Variants in MYO5C observed in about 807,000 individuals in gnomAD.
The protein encoded by MYO5C is unconventional myosin-Vc.
In MYO5C, 194 loss-of-function variants were observed where a neutral mutation model predicts 235.7. The observed-to-expected ratio is 0.82, with a 90% CI of 0.73 to 0.93. MYO5C has a LOEUF of 0.93. Ranked by LOEUF, MYO5C falls within the 40% of genes least tolerant of loss-of-function variation. MYO5C has a pLI of 0.00. For synonymous variants in MYO5C, 707 were observed against 754.8 expected (o/e 0.94, Z 1.04); for missense variants, 2,038 against 2,127.2 (o/e 0.96, Z 0.82).
At chr15:52,233,745 A>T (rs2036020017) in intron 23 of MYO5C, among the ~76,000 whole-genome samples, 1 of 152,036 alleles carries the variant, frequency 6.6e-6, no homozygotes, top group Non-Finnish European at 1.5e-5. Context: ...TTCCCAACAC[A>T]CCCATATGCC....
intron 30 of MYO5C, among the ~76,000 whole-genome samples, chr15:52,220,528 A>C (rs1417133453): frequency 6.6e-6 from 1 of 152,086 alleles, no homozygotes; most frequent in Non-Finnish European, 1.5e-5. Flanking sequence ...TATTTTAAAA[A>C]AATTTTTGGG....
At chr15:52,265,828 G>A (rs2036798107) in intron 8 of MYO5C, among the ~76,000 whole-genome samples, 1 of 152,096 alleles carries the variant, frequency 6.6e-6, no homozygotes. Flanking sequence ...ACTGCACCTG[G>A]CCCAGAGTCT....
chr15:52,229,240 T>C lies in MYO5C; in HGVS notation c.3100A>G (p.Lys1034Glu). 6.2e-7 allele frequency: 1 copy of C among 1,614,242 alleles called. No homozygotes were observed. Reference protein sequence around the residue: ...KQIQSLKEEIKALKDEKMQLQ... With the variant: ...KQIQSLKEEIEALKDEKMQLQ... The stretch of plus-strand genomic sequence containing the variant: ...TGCATCTTCTCATCCTTGAGAGCTT[T>C]AATTTCTTCTTTCAAAGACTGAATC... The change falls in exon 25 of 41, where the codon AAA becomes GAA. Residue 1034 changes from lysine to glutamate, a missense_variant. Physicochemically the swap from Lys to Glu is moderately conservative, Grantham distance 56. Transcript: ENST00000261839.
rs1470993510 is a variant in MYO5C at position 52,225,519 on chromosome 15, A to G, written c.3221T>C (p.Phe1074Ser). The change falls in exon 26 of 41, where the codon TTC becomes TCC. Residue 1074 changes from phenylalanine (F) to serine (S), a missense_variant. Transcript: ENST00000261839. ...LSKQVKTISEFEKEIELLQAQ... is the reference protein window; with the variant it reads ...LSKQVKTISESEKEIELLQAQ... ...CTGAAGTAGTTCTATCTCTTTTTCG[A>G]ACTCAGAGATTGTCTGAATCACAGC... is the stretch of plus-strand genomic sequence containing the variant. The G allele has an allele frequency of 6.2e-7, 1 of 1,612,116 alleles. No homozygotes were observed. Among genetic ancestry groups the G allele is most frequent in the Admixed American group, 1.7e-5 (1 of 60,014 alleles).
chr15:52,245,914 T>G, intron 17 of MYO5C, 42 bp downstream of exon 17: 1 of 1,547,362 alleles, frequency 6.5e-7, no homozygotes, highest in Non-Finnish European at 8.9e-7. Context: ...ATAGCTCTGA[T>G]GTCAGGTACT....
intron 18 of MYO5C, among the ~76,000 whole-genome samples, chr15:52,245,005 A>G (rs1371973571): frequency 6.6e-6 from 1 of 152,228 alleles, no homozygotes; most frequent in East Asian, 1.9e-4. Context: ...AATGATGTCA[A>G]TCCACACAAG....
chr15:52,194,148 G>A, intron 40 of MYO5C, 94 bp from the exon 41 acceptor site: 1 of 1,183,894 alleles, frequency 8.4e-7, no homozygotes, highest in African/African-American at 1.5e-5. Context: ...GCTATCTCTA[G>A]TGGAGAGCTC....
rs750058839 is a variant in MYO5C, at chr15:52,205,186, G to A, written c.4538-39C>T. 3.0e-5 allele frequency: 48 copies of A among 1,601,060 alleles called. No individual in the cohort carries two copies. In the South Asian group the frequency reaches 5.0e-4, roughly 17 times the overall value. ...GGGAGGCTGTGCTGACACGCCAGGA[G>A]ACACACGCGGAACGTTCCCGACGCT... On this transcript the variant is annotated intron_variant, in intron 37 of 40. Transcript: ENST00000261839.
chr15:52,259,000 C>T (rs1294095816), intron 10 of MYO5C, among the ~76,000 whole-genome samples: 1 of 152,172 alleles, frequency 6.6e-6, no homozygotes, highest in African/African-American at 2.4e-5. Context: ...AGGACTCATC[C>T]TAACCTCTAC....
intron 32 of MYO5C, among the ~76,000 whole-genome samples, chr15:52,215,769 G>A (rs2035539076): frequency 6.6e-6 from 1 of 151,758 alleles, no homozygotes; most frequent in African/African-American, 2.4e-5. Flanking sequence ...TATAAAATTG[G>A]GATCATATTA....
intron 9 of MYO5C, among the ~76,000 whole-genome samples, chr15:52,262,405 G>A (rs1273057903): frequency 6.6e-6 from 1 of 152,180 alleles, no homozygotes; most frequent in Non-Finnish European, 1.5e-5. Flanking sequence ...GATGGCATTT[G>A]TTGGGTAGAA....
In MYO5C at chr15:52,264,229, C is replaced by T. The variant is rs180901348; in HGVS notation, c.1008G>A (p.Val336=). The T allele has an allele frequency of 4.8e-3, 7,811 of 1,614,050 alleles. 30 individuals are homozygous for T. The highest frequency in any genetic ancestry group is 6.0e-3 in the Non-Finnish European group (7,119 of 1,179,888). The stretch of plus-strand genomic sequence containing the variant: ...TCTCGTTGCCCACCGCGGTGATCTG[C>T]ACATTGCCCAGATGTAGGATGGCTG... ...ILAAILHLGN[V]QITAVGNERS... The change falls in exon 9 of 41, where the codon GTG becomes GTA. Residue 336 remains valine (V), a synonymous_variant. Coordinates refer to ENST00000261839, the MANE Select transcript of MYO5C (RefSeq NM_018728.4).
chr15:52,279,799 A>G (rs1349793868), intron 2 of MYO5C, 125 bp from the exon 3 acceptor site: 2 of 877,258 alleles, frequency 2.3e-6, no homozygotes, highest in Non-Finnish European at 3.4e-6. Flanking sequence ...AAGCAAATGT[A>G]CTTATAGCAA....
chr15:52,264,235 GC>G lies in MYO5C; in HGVS notation c.1001del (p.Gly334AlafsTer22). 1 of 1,614,132 alleles carries G rather than the reference GC, an allele frequency of 6.2e-7. No individual in the cohort carries two copies. The highest frequency in any genetic ancestry group is 8.5e-7 in the Non-Finnish European group (1 of 1,179,982). ...TGCCCACCGCGGTGATCTGCACATT[GC>G]CCAGATGTAGGATGGCTGCCAGGAT... is the stretch of plus-strand genomic sequence containing the variant. ...FKILAAILHL[G>X]NVQITAVGNE... On this transcript the variant is annotated frameshift_variant, in exon 9 of 41. Transcript: ENST00000261839. LOFTEE classifies it high-confidence loss of function.
Position 52,282,838 on chromosome 15 carries a change from C to A in MYO5C, c.82G>T (p.Ala28Ser). 6.2e-7 allele frequency: 1 copy of A among 1,614,128 alleles called. No individual in the cohort carries two copies. Among genetic ancestry groups the A allele is most frequent in the South Asian group, 1.1e-5 (1 of 91,074 alleles). The change falls in exon 2 of 41, where the codon GCC becomes TCC. Residue 28 changes from alanine (A) to serine (S), a missense_variant. Transcript: ENST00000261839. ...PEEVWKSAEI[A>S]KDYRVGDKVL... ...TTGTCACCAACTCTGTAGTCCTTGG[C>A]TATTTCAGCAGACTTCCAAACTTCT...
At chr15:52,227,207 TTTG>T (rs774932099) in intron 25 of MYO5C, among the ~76,000 whole-genome samples, 10,347 of 121,146 alleles carry the variant, frequency 0.085, 694 homozygotes, top group East Asian at 0.43. Flanking sequence ...TTTTTTTTTT[TTTG>T]TTGAGACGGA....
chr15:52,284,248 A>G (rs1036611253), intron 1 of MYO5C, among the ~76,000 whole-genome samples: 1 of 152,130 alleles, frequency 6.6e-6, no homozygotes, highest in Non-Finnish European at 1.5e-5. Flanking sequence ...ATACAATGAA[A>G]TACAACTTAC....
chr15:52,256,587 A>ACACACACACACACG lies in MYO5C; in HGVS notation c.1395+51_1395+52insCGTGTGTGTGTGTG. 2.1e-3 allele frequency: 1,176 copies of ACACACACACACACG among 567,620 alleles called. 13 individuals are homozygous for ACACACACACACACG. Among genetic ancestry groups the ACACACACACACACG allele is most frequent in the African/African-American group, 0.018 (929 of 50,922 alleles). 35.2% of individuals were successfully genotyped at this position (567,620 alleles called of 1,614,324 possible). On this transcript the variant is annotated intron_variant, in intron 11 of 40. Transcript: ENST00000261839. ...AACACACACACACACACACACACAC[A>ACACACACACACACG]CGCGCGCGCGCGCGGCTGAGAACTA...
At chr15:52,244,595 A>G (rs1446585066) in intron 18 of MYO5C, 28 bp from the exon 19 acceptor site, 1 of 1,498,112 alleles carries the variant, frequency 6.7e-7, no homozygotes, top group Non-Finnish European at 9.2e-7. Flanking sequence ...TATAGTTAGA[A>G]TTAAAATCTG....
Sources: gnomAD v4.1 joint callset for allele counts (sites outside exome capture counted in the v4.1 genomes callset) on GRCh38, gnomAD v4.1.1 for gene constraint, MANE v1.5 for transcripts, NCBI Gene and HGNC (gene_info 2026-07-23, HGNC 2026-07-21) for gene names.